Variants in TMEM154 observed in about 807,000 individuals in gnomAD.
TMEM154 encodes transmembrane protein 154.
In TMEM154, 27 loss-of-function variants were observed where a neutral mutation model predicts 24.5. The observed-to-expected ratio is 1.10, with a 90% confidence interval of 0.81 to 1.52. The LOEUF (loss-of-function observed/expected upper bound fraction) is 1.52. Ranked by LOEUF, TMEM154 falls within the 40% of genes most tolerant of loss-of-function variation. The probability of loss-of-function intolerance (pLI) is 0.00; values close to 1 mark genes in which losing one functional copy is unlikely to be tolerated. For missense variants in TMEM154, 228 were observed against 213.4 expected, an observed-to-expected ratio of 1.07 and a Z score of -0.43; for synonymous variants, 67 against 76.8, an observed-to-expected ratio of 0.87 and a Z score of 0.67.
rs766552228 is a variant in TMEM154, at chr4:152,628,588, AAAAAC to A, written c.537-32_537-28del. 5.3e-3 allele frequency: 5,204 copies of A among 976,812 alleles called. 1,544 individuals carry two copies. Among genetic ancestry groups the A allele is most frequent in the South Asian group, 8.4e-3 (388 of 46,346 alleles). 60.5% of individuals were successfully genotyped at this position (976,812 alleles called of 1,614,324 possible). On this transcript the variant is annotated intron_variant, in intron 6 of 6. Coordinates refer to ENST00000304385, the MANE Select transcript of TMEM154 (RefSeq NM_152680.3). ...TGTAAAAAAAAAAAAAAAAAAAAAA[AAAAAC>A]AAAAAAAACACACACACACACACAA...
chr4:152,655,450 A>G (rs1728472186), intron 1 of TMEM154, among the ~76,000 whole-genome samples: 1 of 152,150 alleles, frequency 6.6e-6, no homozygotes, highest in Non-Finnish European at 1.5e-5. Flanking sequence ...CACACCCCTG[A>G]GCCCTAGTGG....
chr4:152,674,635 A>C (rs1728915005), intron 1 of TMEM154, among the ~76,000 whole-genome samples: 2 of 152,276 alleles, frequency 1.3e-5, no homozygotes, highest in South Asian at 4.1e-4. Context: ...CTGGGGATTA[A>C]GCCTGAGGTC....
chr4:152,622,964 G>A lies in TMEM154; in HGVS notation c.*5582C>T, dbSNP rs1751864736. ...TGATTCTTGGGCCTCAGCCCCCCGAGTAGGTGGGATTACAGGTGTGTACTA... is the reference window on the plus strand; with the variant it reads ...TGATTCTTGGGCCTCAGCCCCCCGAATAGGTGGGATTACAGGTGTGTACTA... On this transcript the variant is annotated 3_prime_UTR_variant, in exon 7 of 7. Coordinates refer to ENST00000304385, the MANE Select transcript of TMEM154 (RefSeq NM_152680.3). 1 of 152,222 alleles carries A rather than the reference G, an allele frequency of 6.6e-6. No homozygotes were observed. The highest frequency in any genetic ancestry group is 2.4e-5 in the African/African-American group (1 of 41,430). 9.4% of individuals were successfully genotyped at this position (152,222 alleles called of 1,614,324 possible). A position where few individuals can be genotyped will look rare whatever the true frequency, so the allele number is the denominator to read the frequency against.
At chr4:152,629,310 T>A (rs886095431) in intron 6 of TMEM154, among the ~76,000 whole-genome samples, 1 of 152,242 alleles carries the variant, frequency 6.6e-6, no homozygotes, top group East Asian at 1.9e-4. Flanking sequence ...ATGTCTTCAA[T>A]AGCCCGTTTT....
chr4:152,672,802 AT>A (rs1247883067), intron 1 of TMEM154, among the ~76,000 whole-genome samples: 1 of 152,252 alleles, frequency 6.6e-6, no homozygotes, highest in Non-Finnish European at 1.5e-5. Flanking sequence ...ATTTTTCCAT[AT>A]TGACAAGAGC....
chr4:152,628,586 AAAAAAACAAAAAAAAC>A (rs1751963392), intron 6 of TMEM154, 25 bp from the exon 7 acceptor site: 59 of 1,094,632 alleles, frequency 5.4e-5, no homozygotes, highest in Admixed American at 1.5e-4. Context: ...AAAAAAAAAA[AAAAAAACAAAAAAAAC>A]ACACACACAC....
chr4:152,647,265 C>T (rs1561049514), intron 3 of TMEM154: 9 of 985,128 alleles, frequency 9.1e-6, no homozygotes, highest in Non-Finnish European at 1.1e-5. Context: ...TCCTATAAAG[C>T]ATTTCTGTGG....
At chr4:152,679,792 G>A in intron 1 of TMEM154, 78 bp downstream of exon 1, 1 of 1,548,042 alleles carries the variant, frequency 6.5e-7, no homozygotes, top group Non-Finnish European at 8.8e-7. Flanking sequence ...ACCCTCCCCG[G>A]CAGAGTTCTG....
intron 3 of TMEM154, among the ~76,000 whole-genome samples, chr4:152,646,028 T>C (rs998411324): frequency 1.3e-5 from 2 of 151,322 alleles, no homozygotes; most frequent in Non-Finnish European, 2.9e-5. Context: ...GCTATTTCCT[T>C]AAGGAATTTT....
At position 152,627,310 on chromosome 4, in the gene TMEM154, A is replaced by G. The variant is rs1271079440; in HGVS notation, c.*1236T>C. 2 of 152,238 alleles carry G rather than the reference A, an allele frequency of 1.3e-5. No homozygotes were observed. Among genetic ancestry groups the G allele is most frequent in the African/African-American group, 4.8e-5 (2 of 41,466 alleles). 9.4% of individuals were successfully genotyped at this position (152,238 alleles called of 1,614,324 possible). A position where few individuals can be genotyped will look rare whatever the true frequency, so the allele number is the denominator to read the frequency against. Reference sequence around the variant, plus strand: ...TTTATATGTGGGTAGTAAAATAAATAAAATTTTCCTTCTTTGTCTCTTTCT... The same window carrying G: ...TTTATATGTGGGTAGTAAAATAAATGAAATTTTCCTTCTTTGTCTCTTTCT... On this transcript the variant is annotated 3_prime_UTR_variant, in exon 7 of 7. Coordinates refer to ENST00000304385, the MANE Select transcript of TMEM154 (RefSeq NM_152680.3).
chr4:152,673,528 T>C (rs1728894069), intron 1 of TMEM154, among the ~76,000 whole-genome samples: 1 of 152,254 alleles, frequency 6.6e-6, no homozygotes, highest in Non-Finnish European at 1.5e-5. Flanking sequence ...CTCGAACTCC[T>C]GACCTCAAGT....
Position 152,661,326 on chromosome 4 carries a change from C to A in TMEM154, c.65-8399G>T, listed in dbSNP as rs961625353. 2.1e-5 allele frequency among the ~76,000 whole-genome samples: 3 copies of A among 143,318 alleles called. No homozygotes were observed. In the East Asian group the frequency reaches 6.5e-4, roughly 31 times the overall value. 94.0% of individuals were successfully genotyped at this position (143,318 alleles called of 152,430 possible). On this transcript the variant is annotated intron_variant, in intron 1 of 6. Coordinates refer to ENST00000304385, the MANE Select transcript of TMEM154 (RefSeq NM_152680.3). ...TCTCTCTCTCTCTCTCTCTCTCTCT[C>A]TCTCTCTCTCTCTCTCCCCCCAACT...
At chr4:152,667,892 A>G (rs1381230828) in intron 1 of TMEM154, among the ~76,000 whole-genome samples, 1 of 152,240 alleles carries the variant, frequency 6.6e-6, no homozygotes, top group East Asian at 1.9e-4. Context: ...ATTACTCGTT[A>G]GGGTTTGTTG....
At chr4:152,671,283 C>T (rs1016510767) in intron 1 of TMEM154, among the ~76,000 whole-genome samples, 2 of 151,942 alleles carry the variant, frequency 1.3e-5, no homozygotes, top group African/African-American at 4.8e-5. Flanking sequence ...TCATCATTAG[C>T]TTGTAATGAT....
At position 152,652,873 on chromosome 4, in the gene TMEM154, G is replaced by A. The variant is rs1172924352; in HGVS notation, c.119C>T (p.Pro40Leu). The A allele has an allele frequency of 6.2e-7, 1 of 1,613,454 alleles. No homozygotes were observed. The highest frequency in any genetic ancestry group is 1.1e-5 in the South Asian group (1 of 90,962). ...SGDTTVESER[P>L]NKVTIPSTFA... is the part of the protein sequence containing the mutation. The stretch of plus-strand genomic sequence containing the variant: ...TGTGCTTGGAATAGTCACTTTATTT[G>A]GTCTTTCAGATTCCACAGTTGTATC... Residue 40 changes from proline (P) to leucine (L), a missense_variant, in exon 2 of 7, where the codon CCA becomes CTA. Transcript: ENST00000304385.
At chr4:152,643,793 AC>A (rs1217151248) in intron 4 of TMEM154, among the ~76,000 whole-genome samples, 1 of 152,206 alleles carries the variant, frequency 6.6e-6, no homozygotes, top group Admixed American at 6.5e-5. Flanking sequence ...CGTAGGCGGT[AC>A]ACTGCGTAGA....
chr4:152,643,045 A>G (rs1579515516), intron 5 of TMEM154, 43 bp downstream of exon 5: 1 of 1,420,526 alleles, frequency 7.0e-7, no homozygotes, highest in East Asian at 2.3e-5. Flanking sequence ...GCCTTCTGTT[A>G]CTAGAGAGGA....
chr4:152,643,070 C>A lies in TMEM154; in HGVS notation c.478+18G>T, dbSNP rs1192435427. On this transcript the variant is annotated intron_variant, in intron 5 of 6. Transcript: ENST00000304385. ...ACTAGAGAGGAAAGAAAAAAAACAA[C>A]TTTAGGTTACCACATACCATTTCTA... is the stretch of plus-strand genomic sequence containing the variant. 1 of 1,597,690 alleles carries A rather than the reference C, an allele frequency of 6.3e-7. No homozygotes were observed. Among genetic ancestry groups the A allele is most frequent in the Non-Finnish European group, 8.5e-7 (1 of 1,171,714 alleles).
intron 1 of TMEM154, among the ~76,000 whole-genome samples, chr4:152,678,458 T>C (rs1728990976): frequency 6.6e-6 from 1 of 151,532 alleles, no homozygotes; most frequent in Admixed American, 6.6e-5. Context: ...GGCTAGGCTT[T>C]TCTTCCCTGA....
Sources: gnomAD v4.1 joint callset for allele counts (sites outside exome capture counted in the v4.1 genomes callset) on GRCh38, gnomAD v4.1.1 for gene constraint, MANE v1.5 for transcripts, NCBI Gene and HGNC (gene_info 2026-07-23, HGNC 2026-07-21) for gene names.